The following SRD5A2 variants were observed in gnomAD, a reference collection of about 807,000 sequenced individuals.
SRD5A2 encodes steroid 5 alpha-reductase 2.
A neutral mutation model predicts 27.4 loss-of-function variants in SRD5A2; 30 were observed. The observed-to-expected ratio is 1.10, with a 90% CI of 0.82 to 1.49. The LOEUF (loss-of-function observed/expected upper bound fraction) is 1.49, where lower values mean the gene tolerates loss of function less well. Ranked by LOEUF, SRD5A2 falls within the 40% of genes most tolerant of loss-of-function variation. The pLI, the probability that SRD5A2 is intolerant of heterozygous loss-of-function variation, is 0.00. For missense variants in SRD5A2, 348 were observed against 323.4 expected, an observed-to-expected ratio of 1.08 and a Z score of -0.58; for synonymous variants, 141 against 133.6, an observed-to-expected ratio of 1.06 and a Z score of -0.38.
At chr2:31,585,296 C>T (rs1320597831), upstream of SRD5A2, among the ~76,000 whole-genome samples, 1 of 152,106 alleles carries the variant, frequency 6.6e-6, no homozygotes, top group Non-Finnish European at 1.5e-5. Context: ...CTGAGGGGTG[C>T]AAAATATACT....
the SRD5A2 span, among the ~76,000 whole-genome samples, chr2:31,593,472 C>T: frequency 2.0e-5 from 3 of 151,908 alleles, no homozygotes; most frequent in African/African-American, 7.3e-5. Context: ...TTGAATTAAC[C>T]CAATCTGACA....
upstream of SRD5A2, among the ~76,000 whole-genome samples, chr2:31,585,082 C>T (rs759555029): frequency 6.6e-6 from 1 of 152,212 alleles, no homozygotes; most frequent in Non-Finnish European, 1.5e-5. Context: ...TCAGCTGATG[C>T]CCACACATAA....
At chr2:31,566,046 G>A (rs1261646359) in intron 1 of SRD5A2, among the ~76,000 whole-genome samples, 1 of 151,970 alleles carries the variant, frequency 6.6e-6, no homozygotes, top group African/African-American at 2.4e-5. Context: ...AATTAGAAAT[G>A]AATACAGAAC....
At chr2:31,645,268 T>C in the SRD5A2 span, among the ~76,000 whole-genome samples, 1 of 152,204 alleles carries the variant, frequency 6.6e-6, no homozygotes, top group Non-Finnish European at 1.5e-5. Context: ...AGGGTGACTA[T>C]ACTCAATAGT....
chr2:31,537,929 A>G (rs1666058744), intron 1 of SRD5A2, among the ~76,000 whole-genome samples: 1 of 152,160 alleles, frequency 6.6e-6, no homozygotes, highest in African/African-American at 2.4e-5. Flanking sequence ...GAAGGAGTCC[A>G]TCAGATGCTG....
the SRD5A2 span, among the ~76,000 whole-genome samples, chr2:31,590,461 T>C: frequency 6.6e-6 from 1 of 152,196 alleles, no homozygotes; most frequent in Non-Finnish European, 1.5e-5. Context: ...AGTTCACTCA[T>C]GATGGGTAGG....
chr2:31,619,052 CA>C, the SRD5A2 span, among the ~76,000 whole-genome samples: 1 of 152,016 alleles, frequency 6.6e-6, no homozygotes, highest in African/African-American at 2.4e-5. Context: ...CCAATAAATA[CA>C]TGAAAAGATG....
the SRD5A2 span, among the ~76,000 whole-genome samples, chr2:31,620,889 T>A: frequency 2.0e-5 from 3 of 147,198 alleles, no homozygotes; most frequent in Non-Finnish European, 4.5e-5. Flanking sequence ...ATTTAAAAGA[T>A]CCATTATATT....
At chr2:31,645,335 G>C in the SRD5A2 span, among the ~76,000 whole-genome samples, 4 of 152,134 alleles carry the variant, frequency 2.6e-5, no homozygotes, top group Non-Finnish European at 5.9e-5. Context: ...AAATGCTTGA[G>C]GGGATGGATA....
the SRD5A2 span, among the ~76,000 whole-genome samples, chr2:31,644,928 T>G: frequency 6.6e-6 from 1 of 152,228 alleles, no homozygotes; most frequent in African/African-American, 2.4e-5. Flanking sequence ...TATGTCCAGA[T>G]TCAAACCCAA....
chr2:31,601,156 A>C, the SRD5A2 span, among the ~76,000 whole-genome samples: 2 of 151,898 alleles, frequency 1.3e-5, no homozygotes, highest in Non-Finnish European at 2.9e-5. Flanking sequence ...TGAAAACATA[A>C]TAAAATAAAT....
At chr2:31,638,953 T>C in the SRD5A2 span, among the ~76,000 whole-genome samples, 1 of 152,014 alleles carries the variant, frequency 6.6e-6, no homozygotes, top group African/African-American at 2.4e-5. Flanking sequence ...ACTGCCATTT[T>C]GTTGCTTGTT....
intron 1 of SRD5A2, among the ~76,000 whole-genome samples, chr2:31,549,118 A>ATTATTATTATTG (rs1553325836): frequency 4.1e-5 from 6 of 145,662 alleles, no homozygotes; most frequent in Non-Finnish European, 9.0e-5. Context: ...TATTATTATT[A>ATTATTATTATTG]TTATTATTAT....
At chr2:31,652,701 G>T in the SRD5A2 span, among the ~76,000 whole-genome samples, 1 of 152,082 alleles carries the variant, frequency 6.6e-6, no homozygotes, top group African/African-American at 2.4e-5. Context: ...CAGTGTAAAA[G>T]GATAAAGACC....
rs746737164 is a variant in SRD5A2, at chr2:31,580,672, C to T, written c.229G>A (p.Gly77Arg). 4 of 1,596,302 alleles carry T rather than the reference C, an allele frequency of 2.5e-6. No homozygotes were observed. The East Asian group carries it at 9.0e-5, about 36-fold the overall frequency. Reference protein sequence around the residue: ...ILARQPLSLFGPPGTVLLGLF... With the variant: ...ILARQPLSLFRPPGTVLLGLF... ...CCCAGAAGTACCGTCCCAGGTGGCCCGAAGAGGGAGAGGGGCTGCCGGGCG... is the reference window on the plus strand; with the variant it reads ...CCCAGAAGTACCGTCCCAGGTGGCCTGAAGAGGGAGAGGGGCTGCCGGGCG... The change falls in exon 1 of 5, where the codon GGG (glycine) becomes AGG (arginine). Residue 77 changes from glycine to arginine, a missense_variant. By Grantham distance (125) the Gly-to-Arg change is moderately radical. Transcript: ENST00000622030.
the SRD5A2 span, among the ~76,000 whole-genome samples, chr2:31,586,258 T>G: frequency 2.0e-5 from 3 of 152,090 alleles, no homozygotes; most frequent in Admixed American, 2.0e-4. Context: ...CCAGGTAGAC[T>G]TCAAAGGTTT....
intron 1 of SRD5A2, among the ~76,000 whole-genome samples, chr2:31,545,674 C>T (rs1044419098): frequency 6.6e-6 from 1 of 152,134 alleles, no homozygotes; most frequent in Non-Finnish European, 1.5e-5. Flanking sequence ...GCTGCTTTTG[C>T]CATTTCTATT....
At chr2:31,533,533 C>T (rs1260305673) in intron 2 of SRD5A2, 70 bp downstream of exon 2, 2 of 1,423,164 alleles carry the variant, frequency 1.4e-6, no homozygotes, top group Admixed American at 4.0e-5. Context: ...TAGGGAGAGG[C>T]CATGGCGATG....
chr2:31,592,618 A>C, the SRD5A2 span, among the ~76,000 whole-genome samples: 18 of 152,238 alleles, frequency 1.2e-4, no homozygotes, highest in Admixed American at 6.5e-4. Context: ...ACTCCAGTCC[A>C]GCTCTAAAGA....
Sources: allele counts gnomAD v4.1 joint callset (sites outside exome capture counted in the v4.1 genomes callset), GRCh38; gene constraint gnomAD v4.1.1; transcripts MANE v1.5; gene names NCBI Gene and HGNC (gene_info 2026-07-23, HGNC 2026-07-21).